SETBP1: variants seen among roughly 807,000 people sequenced by gnomAD.
The protein encoded by SETBP1 is SET binding protein 1.
Under a neutral mutation model 101.0 loss-of-function variants are expected in SETBP1, and 9 were observed. That is an observed-to-expected ratio of 0.09 (90% CI 0.05 to 0.16). The LOEUF is 0.16. SETBP1 is among the 10% of genes least tolerant of loss of function. SETBP1 has a pLI of 1.00. For synonymous variants in SETBP1, 818 were observed against 788.5 expected (o/e 1.04, Z -0.63); for missense variants, 1,858 against 2,033.8 (o/e 0.91, Z 1.66).
chr18:44,933,441 A>C (rs1007983419), intron 3 of SETBP1, among the ~76,000 whole-genome samples: 2 of 152,242 alleles, frequency 1.3e-5, no homozygotes, highest in Non-Finnish European at 2.9e-5. Flanking sequence ...CTCAGATCTC[A>C]AACTCCATGC....
chr18:44,941,613 G>C (rs1415893221), intron 3 of SETBP1, among the ~76,000 whole-genome samples: 1 of 152,076 alleles, frequency 6.6e-6, no homozygotes, highest in East Asian at 1.9e-4. Flanking sequence ...CCATAGATCA[G>C]TGAGGTACTG....
chr18:44,984,122 A>G (rs1371763539), intron 4 of SETBP1, among the ~76,000 whole-genome samples: 5 of 147,060 alleles, frequency 3.4e-5, no homozygotes, highest in Non-Finnish European at 7.4e-5. Context: ...AATTGCTTGC[A>G]CCTGGGAGGC....
intron 1 of SETBP1, among the ~76,000 whole-genome samples, chr18:44,700,453 A>C (rs549295549): frequency 1.7e-4 from 26 of 152,204 alleles, no homozygotes; most frequent in Non-Finnish European, 3.5e-4. Context: ...ATTGATAATG[A>C]TTAAATTTCT....
At chr18:44,756,259 G>A (rs144269866) in intron 2 of SETBP1, among the ~76,000 whole-genome samples, 80 of 151,788 alleles carry the variant, frequency 5.3e-4, no homozygotes, top group African/African-American at 1.9e-3. Flanking sequence ...TCATTATAAA[G>A]CGTTTCTCAG....
chr18:45,062,242 G>T (rs1446074800), intron 5 of SETBP1, among the ~76,000 whole-genome samples: 1 of 152,220 alleles, frequency 6.6e-6, no homozygotes, highest in Non-Finnish European at 1.5e-5. Flanking sequence ...TAAAATAGAG[G>T]TGCAGCTGGC....
At chr18:44,902,722 C>T (rs1363020182) in intron 3 of SETBP1, among the ~76,000 whole-genome samples, 1 of 152,030 alleles carries the variant, frequency 6.6e-6, no homozygotes, top group Non-Finnish European at 1.5e-5. Flanking sequence ...CTCTAGCAGG[C>T]AAGAATACTT....
chr18:44,877,371 C>T, intron 3 of SETBP1: 3 of 977,376 alleles, frequency 3.1e-6, no homozygotes, highest in Non-Finnish European at 3.6e-6. Flanking sequence ...TCTAGTTAAC[C>T]AACACTGAGC....
intron 4 of SETBP1, among the ~76,000 whole-genome samples, chr18:44,984,463 G>A (rs1384176900): frequency 1.3e-5 from 2 of 152,284 alleles, no homozygotes; most frequent in South Asian, 2.1e-4. Context: ...TGATCTGACA[G>A]GAGGCGGAGC....
At position 45,034,996 on chromosome 18, in the gene SETBP1, G is replaced by GC. The variant is rs138586664; in HGVS notation, c.4001-3481dup. ...CATGCTGGGAAGAAACGTTTCAAAT[G>GC]CCCCCCCCGCCCCCAACTTTGCTTT... On this transcript the variant is annotated intron_variant, in intron 4 of 5. Coordinates refer to ENST00000649279, the MANE Select transcript of SETBP1 (RefSeq NM_015559.3). Among the ~76,000 whole-genome samples, 788 of 150,686 alleles carry GC rather than the reference G, an allele frequency of 5.2e-3. 6 individuals carry two copies. Among genetic ancestry groups the GC allele is most frequent in the African/African-American group, 0.014 (572 of 40,948 alleles).
chr18:44,803,292 G>C (rs534398754), intron 2 of SETBP1, among the ~76,000 whole-genome samples: 1 of 152,144 alleles, frequency 6.6e-6, no homozygotes, highest in Admixed American at 6.5e-5. Context: ...AGCTGTGAAG[G>C]CCCAGGCCCT....
chr18:44,838,556 G>A (rs531700836), intron 2 of SETBP1, among the ~76,000 whole-genome samples: 103 of 152,310 alleles, frequency 6.8e-4, no homozygotes, highest in South Asian at 2.3e-3. Flanking sequence ...CCCTTGGGGT[G>A]TGAAGGTGAC....
At chr18:44,925,558 CAGGAA>C (rs2070688163) in intron 3 of SETBP1, among the ~76,000 whole-genome samples, 1 of 152,130 alleles carries the variant, frequency 6.6e-6, no homozygotes, top group Admixed American at 6.5e-5. Context: ...TCAGCTGAGA[CAGGAA>C]AGGAAGGTAG....
intron 3 of SETBP1, among the ~76,000 whole-genome samples, chr18:44,884,183 C>T (rs553035276): frequency 6.6e-6 from 1 of 152,272 alleles, no homozygotes; most frequent in East Asian, 1.9e-4. Context: ...GAGGCTGAAT[C>T]ACAGCTTCAA....
intron 3 of SETBP1, among the ~76,000 whole-genome samples, chr18:44,873,361 G>A (rs1205345255): frequency 2.0e-5 from 3 of 152,174 alleles, no homozygotes; most frequent in South Asian, 2.1e-4. Context: ...GAGAGTATGG[G>A]CATTGATGAG....
intron 3 of SETBP1, among the ~76,000 whole-genome samples, chr18:44,904,731 T>TAG (rs2070133190): frequency 6.6e-6 from 1 of 152,210 alleles, no homozygotes; most frequent in South Asian, 2.1e-4. Flanking sequence ...GCAATACTTC[T>TAG]CCATGCAGTG....
chr18:44,933,802 C>T (rs34713308), intron 3 of SETBP1, among the ~76,000 whole-genome samples: 36,100 of 152,054 alleles, frequency 0.24, 4,347 homozygotes, highest in East Asian at 0.27. Flanking sequence ...ATTGGAAAAG[C>T]GCAGTATTAG....
intron 5 of SETBP1, among the ~76,000 whole-genome samples, chr18:45,053,292 G>A (rs2073753664): frequency 6.6e-6 from 1 of 152,168 alleles, no homozygotes; most frequent in South Asian, 2.1e-4. Context: ...TTTAGCAGAT[G>A]ATATAATCTC....
At position 44,925,019 on chromosome 18, in the gene SETBP1, T is replaced by TTG. The variant is rs1568219284; in HGVS notation, c.541-24861_541-24860insGT. ...TGATCCTGTGTGAGTTTTTTTTTTTTTTTTTTTTTTTTTTTTCACGAGAAT... is the reference window on the plus strand; with the variant it reads ...TGATCCTGTGTGAGTTTTTTTTTTTTTGTTTTTTTTTTTTTTTTCACGAGAAT... On this transcript the variant is annotated intron_variant, in intron 3 of 5. Coordinates refer to ENST00000649279, the MANE Select transcript of SETBP1 (RefSeq NM_015559.3). Among the ~76,000 whole-genome samples the TTG allele has an allele frequency of 2.1e-3, 311 of 144,660 alleles. 5 individuals are homozygous for TTG. The highest frequency in any genetic ancestry group is 7.4e-3 in the African/African-American group (296 of 39,948). The allele number at this position is 144,660 out of a possible 152,430, so 94.9% of individuals were successfully genotyped here. A position where few individuals can be genotyped will look rare whatever the true frequency, so the allele number is the denominator to read the frequency against.
intron 2 of SETBP1, among the ~76,000 whole-genome samples, chr18:44,815,661 T>G (rs2071959756): frequency 6.6e-6 from 1 of 152,224 alleles, no homozygotes; most frequent in Non-Finnish European, 1.5e-5. Flanking sequence ...ACTCATGTAT[T>G]AACAGTGAGG....
Sources: gnomAD v4.1 joint callset for allele counts (sites outside exome capture counted in the v4.1 genomes callset) on GRCh38, gnomAD v4.1.1 for gene constraint, MANE v1.5 for transcripts, NCBI Gene and HGNC (gene_info 2026-07-23, HGNC 2026-07-21) for gene names.